The following MTCL3 variants were observed in gnomAD, a reference collection of about 807,000 sequenced individuals.
The protein encoded by MTCL3 is MTCL family member 3, also known as microtubule cross-linking factor 3.
the MTCL3 span, among the ~76,000 whole-genome samples, chr6:127,487,249 A>G: frequency 1.3e-5 from 2 of 152,242 alleles, no homozygotes; most frequent in South Asian, 4.1e-4. Flanking sequence ...GGTGCAATTT[A>G]GATAGCAGGC....
At chr6:127,488,023 C>T in the MTCL3 span, among the ~76,000 whole-genome samples, 3 of 150,952 alleles carry the variant, frequency 2.0e-5, no homozygotes, top group African/African-American at 7.2e-5. Context: ...GGTCACCCCA[C>T]CCCCCAATCC....
At chr6:127,515,899 G>T in the MTCL3 span, 1 of 1,611,108 alleles carries the variant, frequency 6.2e-7, no homozygotes, top group African/African-American at 1.3e-5. The surrounding 1 kb of genome is among the most constrained non-coding windows in gnomAD (Gnocchi z 4.3). Context: ...GCCGCCCCCC[G>T]CAACGCCGCT....
At chr6:127,484,164 A>G in the MTCL3 span, among the ~76,000 whole-genome samples, 1 of 152,338 alleles carries the variant, frequency 6.6e-6, no homozygotes, top group East Asian at 1.9e-4. Context: ...AGGAGTCTTC[A>G]TAAATTCGCA....
chr6:127,513,046 C>T, the MTCL3 span: 8 of 1,607,428 alleles, frequency 5.0e-6, no homozygotes, highest in South Asian at 6.7e-5. Flanking sequence ...ACATCCTTTG[C>T]AACCTGAATT....
the MTCL3 span, among the ~76,000 whole-genome samples, chr6:127,494,307 G>A: frequency 6.6e-6 from 1 of 152,078 alleles, no homozygotes; most frequent in Non-Finnish European, 1.5e-5. Context: ...AACTTAGAAA[G>A]TAAGATGCTG....
chr6:127,483,109 TA>T, the MTCL3 span: 1 of 704,164 alleles, frequency 1.4e-6, no homozygotes, highest in Non-Finnish European at 2.2e-6. Context: ...TCAATAATCA[TA>T]AAAGGAGGAA....
chr6:127,509,471 C>T, the MTCL3 span, among the ~76,000 whole-genome samples: 9,823 of 152,222 alleles, frequency 0.065, 374 homozygotes, highest in East Asian at 0.11. Context: ...TTGGTCCCAG[C>T]GGTGCTGTTC....
At chr6:127,489,216 C>T in the MTCL3 span, among the ~76,000 whole-genome samples, 2 of 152,060 alleles carry the variant, frequency 1.3e-5, no homozygotes, top group Non-Finnish European at 2.9e-5. Flanking sequence ...TTTTGGGGCA[C>T]GATTAACTTC....
the MTCL3 span, among the ~76,000 whole-genome samples, chr6:127,484,387 ATCT>A: frequency 3.3e-5 from 5 of 152,108 alleles, no homozygotes; most frequent in Admixed American, 2.0e-4. Flanking sequence ...TGCTTGTATA[ATCT>A]TCTTAGAAAG....
chr6:127,482,218 A>AGATCCGAGAACCCTC, the MTCL3 span, among the ~76,000 whole-genome samples: 72 of 152,272 alleles, frequency 4.7e-4, no homozygotes, highest in Non-Finnish European at 2.6e-4. This position sits in a 1 kb window ranked among gnomAD's most constrained non-coding sequence, Gnocchi z 4.1. Flanking sequence ...TTCTTGCACG[A>AGATCCGAGAACCCTC]GATCCGAGAA....
At chr6:127,473,499 T>C in the MTCL3 span, 1 of 770,216 alleles carries the variant, frequency 1.3e-6, no homozygotes, top group African/African-American at 1.9e-5. Context: ...AAAAAGAACC[T>C]CCACCCTCCC....
chr6:127,513,271 G>C, the MTCL3 span, among the ~76,000 whole-genome samples: 3 of 152,282 alleles, frequency 2.0e-5, no homozygotes, highest in East Asian at 5.8e-4. Flanking sequence ...CTATTTTGTA[G>C]ATGAGGAAAC....
At chr6:127,491,914 C>T in the MTCL3 span, among the ~76,000 whole-genome samples, 1 of 146,476 alleles carries the variant, frequency 6.8e-6, no homozygotes, top group Admixed American at 6.8e-5. Flanking sequence ...ATGGACTCTA[C>T]TTCCGTACCT....
At chr6:127,514,810 C>T in the MTCL3 span, 3 of 1,604,262 alleles carry the variant, frequency 1.9e-6, no homozygotes, top group Non-Finnish European at 2.5e-6. Flanking sequence ...CATTGAGCCC[C>T]CGCGCCGCAG....
the MTCL3 span, among the ~76,000 whole-genome samples, chr6:127,489,693 G>A: frequency 6.6e-6 from 1 of 152,248 alleles, no homozygotes; most frequent in Non-Finnish European, 1.5e-5. Flanking sequence ...TTAACCCAGG[G>A]CAAGGCCCTT....
the MTCL3 span, chr6:127,514,858 C>T: frequency 6.2e-7 from 1 of 1,613,624 alleles, no homozygotes; most frequent in Non-Finnish European, 8.5e-7. Context: ...AACAGCTCCC[C>T]GTCGATTTCC....
the MTCL3 span, chr6:127,475,994 T>G: frequency 3.1e-6 from 5 of 1,610,904 alleles, no homozygotes; most frequent in South Asian, 5.5e-5. The surrounding 1 kb of genome is among the most constrained non-coding windows in gnomAD (Gnocchi z 7.3). Context: ...TTGTACTTGT[T>G]GAGCTCCGCC....
chr6:127,474,819 T>A, the MTCL3 span, among the ~76,000 whole-genome samples: 1 of 152,246 alleles, frequency 6.6e-6, no homozygotes, highest in South Asian at 2.1e-4. Context: ...GCTCAAGCAA[T>A]CCACCCTCCT....
chr6:127,483,333 G>A, the MTCL3 span, among the ~76,000 whole-genome samples: 1 of 152,092 alleles, frequency 6.6e-6, no homozygotes, highest in Non-Finnish European at 1.5e-5. Flanking sequence ...CATCACTGAA[G>A]GAAAAAAAGT....
Sources: allele counts gnomAD v4.1 joint callset (sites outside exome capture counted in the v4.1 genomes callset), GRCh38; gene constraint gnomAD v4.1.1; non-coding constraint Gnocchi (gnomAD v3.1); transcripts MANE v1.5; gene names NCBI Gene and HGNC (gene_info 2026-07-23, HGNC 2026-07-21).